Variants in TMEM114 observed in about 807,000 individuals in gnomAD.
TMEM114 encodes the protein transmembrane protein 114.
In TMEM114, 6 loss-of-function variants were observed where a neutral mutation model predicts 6.2. That is an observed-to-expected ratio of 0.97 (90% CI 0.53 to 1.91). TMEM114 has a LOEUF of 1.91. Among genes scored for constraint, TMEM114 ranks in the 40% most tolerant of loss-of-function variants. The probability of loss-of-function intolerance (pLI) is 0.01; values close to 1 mark genes in which losing one functional copy is unlikely to be tolerated. For synonymous variants in TMEM114, 104 were observed against 73.0 expected (o/e 1.42, Z -2.16); for missense variants, 218 against 158.3 (o/e 1.38, Z -2.02).
At chr16:8,554,281 C>G (rs1255009146) in intron 2 of TMEM114, among the ~76,000 whole-genome samples, 1 of 151,966 alleles carries the variant, frequency 6.6e-6, no homozygotes, top group Non-Finnish European at 1.5e-5. Flanking sequence ...TAGGGGCGGA[C>G]AGAGTGGCTC....
intron 2 of TMEM114, among the ~76,000 whole-genome samples, chr16:8,549,513 A>AC (rs1352104790): frequency 6.6e-6 from 1 of 151,916 alleles, no homozygotes; most frequent in Admixed American, 6.6e-5. Flanking sequence ...AAAAAAAAAA[A>AC]AAAAGAATGC....
intron 2 of TMEM114, among the ~76,000 whole-genome samples, chr16:8,550,439 G>T (rs531658579): frequency 2.6e-5 from 4 of 151,914 alleles, no homozygotes; most frequent in Non-Finnish European, 5.9e-5. Context: ...CCAGCACTTT[G>T]GGAGGCCAAG....
chr16:8,584,250 G>C (rs992129798), intron 2 of TMEM114, among the ~76,000 whole-genome samples: 3 of 152,208 alleles, frequency 2.0e-5, no homozygotes, highest in Non-Finnish European at 4.4e-5. Flanking sequence ...ATTGAAGCCA[G>C]TAAGATTTGA....
At chr16:8,548,560 G>T (rs570460868) in intron 2 of TMEM114, among the ~76,000 whole-genome samples, 1 of 152,080 alleles carries the variant, frequency 6.6e-6, no homozygotes. Context: ...GTGACCTTTT[G>T]CAGGGCCACG....
downstream of TMEM114, among the ~76,000 whole-genome samples, chr16:8,566,785 T>C (rs1901560385): frequency 6.6e-6 from 1 of 152,026 alleles, no homozygotes; most frequent in African/African-American, 2.4e-5. Flanking sequence ...TTTCCCTACC[T>C]ACAGGTTCTT....
intron 2 of TMEM114, among the ~76,000 whole-genome samples, chr16:8,581,775 T>A (rs62018869): frequency 0.34 from 52,105 of 152,166 alleles, 9,102 homozygotes; most frequent in Middle Eastern, 0.43. Context: ...TACTTTAAAT[T>A]TGAACTTTTG....
chr16:8,546,382 A>G (rs1025633082), intron 2 of TMEM114, among the ~76,000 whole-genome samples: 1 of 152,186 alleles, frequency 6.6e-6, no homozygotes, highest in Admixed American at 6.5e-5. Context: ...TTAGGTTTAC[A>G]TGTTTACCTG....
chr16:8,588,644 G>A (rs1222533964), intron 2 of TMEM114, among the ~76,000 whole-genome samples: 1 of 152,164 alleles, frequency 6.6e-6, no homozygotes, highest in Non-Finnish European at 1.5e-5. Flanking sequence ...GGAATAAGAG[G>A]GACGCAGTGG....
chr16:8,563,324 TATGAGTGAGTGA>T (rs1204024310), intron 2 of TMEM114, among the ~76,000 whole-genome samples: 13 of 67,162 alleles, frequency 1.9e-4, no homozygotes, highest in African/African-American at 3.5e-4. Context: ...GGAGGGAGGG[TATGAGTGAGTGA>T]ATGAGTGAGT....
chr16:8,563,519 GAGTGAATGAGTA>G (rs1440188325), intron 2 of TMEM114, among the ~76,000 whole-genome samples: 3 of 151,134 alleles, frequency 2.0e-5, no homozygotes, highest in Non-Finnish European at 2.9e-5. Context: ...GGAAAAGAGT[GAGTGAATGAGTA>G]AGTGAATGAG....
At chr16:8,568,747 T>A (rs951499825), downstream of TMEM114, among the ~76,000 whole-genome samples, 1 of 152,176 alleles carries the variant, frequency 6.6e-6, no homozygotes, top group Non-Finnish European at 1.5e-5. Context: ...GAACAGAATC[T>A]CAGCCATGGT....
At chr16:8,558,101 GA>G (rs1901073350) in intron 2 of TMEM114, among the ~76,000 whole-genome samples, 1 of 151,960 alleles carries the variant, frequency 6.6e-6, no homozygotes, top group African/African-American at 2.4e-5. Context: ...TAAAAATACA[GA>G]AATTAGCTGG....
chr16:8,588,708 T>C (rs1902390546), intron 2 of TMEM114, among the ~76,000 whole-genome samples: 1 of 152,180 alleles, frequency 6.6e-6, no homozygotes. Context: ...CAATCATATA[T>C]TTATATGCAA....
chr16:8,564,550 GGAATGAGTGAGTGAGT>G (rs1416517075), downstream of TMEM114, among the ~76,000 whole-genome samples: 2 of 56,382 alleles, frequency 3.5e-5, no homozygotes, highest in Non-Finnish European at 6.6e-5. Flanking sequence ...AATGAGTCAG[GGAATGAGTGAGTGAGT>G]GAATGAGTGA....
intron 2 of TMEM114, among the ~76,000 whole-genome samples, chr16:8,560,215 C>G (rs766183925): frequency 4.6e-5 from 7 of 151,644 alleles, no homozygotes; most frequent in African/African-American, 9.7e-5. Context: ...TTAGGCTGGG[C>G]TCAAACTCCT....
chr16:8,538,581 C>T (rs1900428840), intron 2 of TMEM114, among the ~76,000 whole-genome samples: 1 of 151,988 alleles, frequency 6.6e-6, no homozygotes, highest in South Asian at 2.1e-4. Flanking sequence ...GATCTCAGCT[C>T]ACTGCAAACT....
chr16:8,555,441 G>A (rs577427310), intron 2 of TMEM114, among the ~76,000 whole-genome samples: 4 of 149,336 alleles, frequency 2.7e-5, no homozygotes, highest in Non-Finnish European at 4.4e-5. Flanking sequence ...CAGCCTTTCA[G>A]AATCAGCTAG....
chr16:8,527,862 C>G, the TMEM114 span, among the ~76,000 whole-genome samples: 685 of 152,290 alleles, frequency 4.5e-3, 1 homozygote, highest in South Asian at 0.01. Flanking sequence ...TCCCCCTCCT[C>G]ATCACCTAGA....
intron 2 of TMEM114, among the ~76,000 whole-genome samples, chr16:8,588,426 A>G (rs1199619439): frequency 2.0e-5 from 3 of 152,186 alleles, no homozygotes; most frequent in African/African-American, 7.2e-5. Flanking sequence ...TAATAACTTC[A>G]TAGGGTGTGG....
Sources: allele counts gnomAD v4.1 joint callset (sites outside exome capture counted in the v4.1 genomes callset), GRCh38; gene constraint gnomAD v4.1.1; transcripts MANE v1.5; gene names NCBI Gene and HGNC (gene_info 2026-07-23, HGNC 2026-07-21).